The following C5orf34 variants were observed in gnomAD, a reference collection of about 807,000 sequenced individuals.
C5orf34 encodes the protein chromosome 5 open reading frame 34, also known as uncharacterized protein C5orf34.
C5orf34 carries 73 observed loss-of-function variants against 78.4 expected under a neutral mutation model. The ratio of observed to expected loss-of-function variants is 0.93; its 90% CI spans 0.77 to 1.13. C5orf34 has a LOEUF of 1.13. C5orf34 is among the 50% of genes most tolerant of loss of function. C5orf34 has a pLI of 0.00. For missense variants in C5orf34, 730 were observed against 732.7 expected (o/e 1.00, Z 0.04); for synonymous variants, 251 against 246.6 (o/e 1.02, Z -0.17).
chr5:43,491,375 A>G (rs1452743451), intron 10 of C5orf34, among the ~76,000 whole-genome samples: 2 of 152,220 alleles, frequency 1.3e-5, no homozygotes, highest in East Asian at 3.9e-4. Context: ...AGAGGTAACA[A>G]AAAGCTATTA....
At chr5:43,510,593 G>A (rs890056323) in intron 1 of C5orf34, among the ~76,000 whole-genome samples, 1 of 152,100 alleles carries the variant, frequency 6.6e-6, no homozygotes, top group African/African-American at 2.4e-5. Flanking sequence ...GGCGCGCGCT[G>A]CCACGCCTGA....
Position 43,487,110 on chromosome 5 carries a change from C to G in C5orf34, c.1722G>C (p.Leu574Phe). 6.7e-7 allele frequency: 1 copy of G among 1,498,596 alleles called. No individual in the cohort carries two copies. Among genetic ancestry groups the G allele is most frequent in the East Asian group, 2.4e-5 (1 of 40,928 alleles). 92.8% of individuals were successfully genotyped at this position (1,498,596 alleles called of 1,614,324 possible). ...SELEKIQKFN[L>F]LLENSGILNQ... ...TTAGGATACCACTATTTTCTAGTAG[C>G]ACTAAGTTGCTTAGTTAAGGAGGTT... Residue 574 changes from leucine to phenylalanine, a missense_variant and splice_region_variant, in exon 13 of 13, where the codon TTG becomes TTC. Coordinates refer to ENST00000306862, the MANE Select transcript of C5orf34 (RefSeq NM_198566.4).
At chr5:43,500,269 C>A (rs1745702435) in intron 6 of C5orf34, among the ~76,000 whole-genome samples, 1 of 152,064 alleles carries the variant, frequency 6.6e-6, no homozygotes, top group African/African-American at 2.4e-5. Flanking sequence ...TGGCTAAATC[C>A]ATTTTTACCC....
At position 43,509,237 on chromosome 5, in the gene C5orf34, A is replaced by G; in HGVS notation, c.103T>C (p.Leu35=). ...GAAACAGGTGGTGACTTTTCAAATA[A>G]AAATTCAGAGCCACAGGGAGAAAGT... ...LQLSPCGSEF[L]FEKSPPVSAH... The change falls in exon 2 of 13, where the codon TTA becomes CTA. Residue 35 remains leucine (L), a synonymous_variant. Transcript: ENST00000306862. The G allele has an allele frequency of 6.2e-7, 1 of 1,614,226 alleles. No individual in the cohort carries two copies. Among genetic ancestry groups the G allele is most frequent in the Non-Finnish European group, 8.5e-7 (1 of 1,180,010 alleles).
At chr5:43,492,470 C>T (rs1745323795) in intron 9 of C5orf34, among the ~76,000 whole-genome samples, 161 bp from the exon 10 acceptor site, 1 of 152,154 alleles carries the variant, frequency 6.6e-6, no homozygotes, top group Non-Finnish European at 1.5e-5. Flanking sequence ...ATTTAACCAC[C>T]ACTCATATAG....
chr5:43,505,156 A>T (rs1339710990), intron 4 of C5orf34, among the ~76,000 whole-genome samples: 1 of 152,266 alleles, frequency 6.6e-6, no homozygotes, highest in East Asian at 1.9e-4. Flanking sequence ...GTTTATGCAA[A>T]GTTGATGTTA....
At chr5:43,507,887 G>C (rs922040592) in intron 3 of C5orf34, among the ~76,000 whole-genome samples, 1 of 152,068 alleles carries the variant, frequency 6.6e-6, no homozygotes, top group African/African-American at 2.4e-5. Context: ...GACCATGCTG[G>C]CTAACATGAT....
chr5:43,495,539 T>C (rs544255156), intron 6 of C5orf34: 25 of 1,611,544 alleles, frequency 1.6e-5, no homozygotes, highest in Admixed American at 6.7e-5. Flanking sequence ...GAAGCCCACA[T>C]TGTCCCCAGG....
Position 43,486,980 on chromosome 5 carries a change from C to T in C5orf34, c.1852G>A (p.Ala618Thr). 6.3e-7 allele frequency: 1 copy of T among 1,579,372 alleles called. No individual in the cohort carries two copies. Among genetic ancestry groups the T allele is most frequent in the Non-Finnish European group, 8.6e-7 (1 of 1,163,410 alleles). Residue 618 changes from alanine to threonine, a missense_variant, in exon 13 of 13, where the codon GCA (alanine) becomes ACA (threonine). Coordinates refer to ENST00000306862, the MANE Select transcript of C5orf34 (RefSeq NM_198566.4). ...GEVNENRVSI[A>T]LKKTSEILHD... Reference sequence around the variant, plus strand: ...AGGATTTCAGAGGTTTTTTTCAATGCTATTGATACTCTATTTTCATTAACT... The same window carrying T: ...AGGATTTCAGAGGTTTTTTTCAATGTTATTGATACTCTATTTTCATTAACT...
chr5:43,487,061 C>A lies in C5orf34; in HGVS notation c.1771G>T (p.Glu591Ter). 1 of 1,566,772 alleles carries A rather than the reference C, an allele frequency of 6.4e-7. No homozygotes were observed. Among genetic ancestry groups the A allele is most frequent in the South Asian group, 1.2e-5 (1 of 82,340 alleles). The change falls in exon 13 of 13, where the codon GAA becomes TAA. Residue 591 changes from glutamate (E) to a stop codon, truncating the protein, a stop_gained. Transcript: ENST00000306862. LOFTEE classifies it high-confidence loss of function. ...TTATAATGATCAAAAGACTGTTGTT[C>A]ATTTTTCTTGTTAGAAATCTGGTTT... is the stretch of plus-strand genomic sequence containing the variant. ...ILNQISNKKN[E>*]QQSFDHYKPG...
chr5:43,512,986 G>A (rs922569908), intron 1 of C5orf34, among the ~76,000 whole-genome samples: 21 of 151,764 alleles, frequency 1.4e-4, no homozygotes, highest in Non-Finnish European at 2.4e-4. Flanking sequence ...TTTTCACCAT[G>A]TTGGCCAGAA....
chr5:43,495,530 A>C lies in C5orf34; in HGVS notation c.1153-929T>G, dbSNP rs1168229767. 1.9e-6 allele frequency: 3 copies of C among 1,610,234 alleles called. No homozygotes were observed. The Admixed American group carries it at 5.0e-5, about 27-fold the overall frequency. ...CTTGACAGACACATTCTTGACATTG[A>C]AGCCCACATTGTCCCCAGGAAGAGC... On this transcript the variant is annotated intron_variant, in intron 6 of 12. Coordinates refer to ENST00000306862, the MANE Select transcript of C5orf34 (RefSeq NM_198566.4).
intron 4 of C5orf34, among the ~76,000 whole-genome samples, chr5:43,504,312 A>G (rs1745888240): frequency 6.6e-6 from 1 of 152,054 alleles, no homozygotes; most frequent in Non-Finnish European, 1.5e-5. Context: ...AAAAAAAAAA[A>G]ATTACTAAAA....
In C5orf34 at chr5:43,511,181, G is replaced by A. The variant is rs1746231540; in HGVS notation, c.-36-1806C>T. On this transcript the variant is annotated intron_variant, in intron 1 of 12. Coordinates refer to ENST00000306862, the MANE Select transcript of C5orf34 (RefSeq NM_198566.4). ...TCTGCCTGGCAGCCGCCCTGTCTGA[G>A]AAGTGAGGAGCCCCTCTGCCCGGCA... is the stretch of plus-strand genomic sequence containing the variant. The A allele has an allele frequency of 4.0e-5, 7 of 174,842 alleles. No homozygotes were observed. The South Asian group carries it at 7.4e-4, about 18-fold the overall frequency. The allele number at this position is 174,842 out of a possible 1,614,324, so 10.8% of individuals were successfully genotyped here.
intron 5 of C5orf34, 83 bp from the exon 6 acceptor site, chr5:43,502,578 C>T: frequency 1.3e-6 from 1 of 799,166 alleles, no homozygotes; most frequent in South Asian, 1.6e-5. Context: ...AAAACAGTAA[C>T]AACAAAATCT....
intron 12 of C5orf34, 91 bp downstream of exon 12, chr5:43,487,818 G>T: frequency 1.1e-6 from 1 of 921,788 alleles, no homozygotes; most frequent in Non-Finnish European, 1.7e-6. Flanking sequence ...ATTAAGTATA[G>T]ATTAATATTC....
rs1745800295 is a variant in C5orf34 at position 43,502,469 on chromosome 5, A to T, written c.1055T>A (p.Ile352Lys). Reference sequence around the variant, plus strand: ...AGATCCATCCCCAGAATAAATCTCTATTGAGTTCATATTTTGATGGGTAAG... The same window carrying T: ...AGATCCATCCCCAGAATAAATCTCTTTTGAGTTCATATTTTGATGGGTAAG... ...YRLTHQNMNS[I>K]EIYSGDGSVF... is the part of the protein sequence containing the mutation. Residue 352 changes from isoleucine (I) to lysine (K), a missense_variant, in exon 6 of 13, where the codon ATA becomes AAA. By Grantham distance (102) the Ile-to-Lys change is moderately radical. Transcript: ENST00000306862. 6.4e-7 allele frequency: 1 copy of T among 1,574,008 alleles called. No individual in the cohort carries two copies. Among genetic ancestry groups the T allele is most frequent in the South Asian group, 1.1e-5 (1 of 87,268 alleles).
At chr5:43,514,128 G>A (rs1326287043) in intron 1 of C5orf34, 1 of 152,188 alleles carries the variant, frequency 6.6e-6, no homozygotes, top group Non-Finnish European at 1.5e-5. Flanking sequence ...CCATGCCCCT[G>A]TAACAAGTCC....
In C5orf34 at chr5:43,505,921, A is replaced by T; in HGVS notation, c.759T>A (p.Tyr253Ter). 1 of 1,614,160 alleles carries T rather than the reference A, an allele frequency of 6.2e-7. No homozygotes were observed. The highest frequency in any genetic ancestry group is 8.5e-7 in the Non-Finnish European group (1 of 1,179,980). Reference sequence around the variant, plus strand: ...GAAAATGAAGTGCTAAAGACAAAGGATATTTCCATTCCTCTGGACAGGCAG... The same window carrying T: ...GAAAATGAAGTGCTAAAGACAAAGGTTATTTCCATTCCTCTGGACAGGCAG... Reference protein sequence around the residue: ...SVAACPEEWKYPLSLALHFHN... With the variant: ...SVAACPEEWK The change falls in exon 4 of 13, where the codon TAT (tyrosine) becomes TAA (stop). Residue 253 changes from tyrosine to a stop codon, truncating the protein, a stop_gained. Transcript: ENST00000306862. LOFTEE classifies it high-confidence loss of function.
Sources: gnomAD v4.1 joint callset for allele counts (sites outside exome capture counted in the v4.1 genomes callset) on GRCh38, gnomAD v4.1.1 for gene constraint, MANE v1.5 for transcripts, NCBI Gene and HGNC (gene_info 2026-07-23, HGNC 2026-07-21) for gene names.